Variants in IGHMBP2 observed in about 807,000 individuals in gnomAD.
IGHMBP2 encodes DNA-binding protein SMUBP-2.
A neutral mutation model predicts 96.0 loss-of-function variants in IGHMBP2; 81 were observed. That is an observed-to-expected ratio of 0.84 (90% CI 0.71 to 1.01). The LOEUF (loss-of-function observed/expected upper bound fraction) is 1.01. Ranked by LOEUF, IGHMBP2 falls within the 50% of genes least tolerant of loss-of-function variation. The probability of loss-of-function intolerance (pLI) is 0.00; values close to 1 mark genes in which losing one functional copy is unlikely to be tolerated. For missense variants in IGHMBP2, 1,227 were observed against 1,306.3 expected, an observed-to-expected ratio of 0.94 and a Z score of 0.94; for synonymous variants, 557 against 548.9, an observed-to-expected ratio of 1.01 and a Z score of -0.21.
At chr11:68,937,913 C>A in intron 13 of IGHMBP2, 1 of 498,746 alleles carries the variant, frequency 2.0e-6, no homozygotes, top group East Asian at 3.9e-5. Context: ...ACCCCTGCCC[C>A]CAGGCACTGA....
chr11:68,904,060 G>T, intron 1 of IGHMBP2, 22 bp downstream of exon 1: 2 of 1,536,970 alleles, frequency 1.3e-6, no homozygotes, highest in Non-Finnish European at 1.8e-6. Flanking sequence ...CGCCGGCGCC[G>T]CTCCCTCGCG....
chr11:68,930,996 G>T (rs1263427449), intron 8 of IGHMBP2, among the ~76,000 whole-genome samples: 2 of 152,170 alleles, frequency 1.3e-5, no homozygotes, highest in African/African-American at 4.8e-5. Context: ...TTGGTCCATG[G>T]GTGGCCATGG....
intron 1 of IGHMBP2, among the ~76,000 whole-genome samples, chr11:68,904,739 C>A (rs907636539): frequency 1.5e-4 from 23 of 151,614 alleles, no homozygotes; most frequent in Middle Eastern, 3.4e-3. Context: ...ACTTTCCATG[C>A]GTTAATTCTT....
At chr11:68,905,882 A>G (rs1307166369) in intron 1 of IGHMBP2, among the ~76,000 whole-genome samples, 187 bp from the exon 2 acceptor site, 1 of 152,212 alleles carries the variant, frequency 6.6e-6, no homozygotes, top group African/African-American at 2.4e-5. Flanking sequence ...GGGTTGTGGC[A>G]TTAACTGCCC....
intron 9 of IGHMBP2, 92 bp downstream of exon 9, chr11:68,933,573 T>G: frequency 6.8e-7 from 1 of 1,460,746 alleles, no homozygotes; most frequent in African/African-American, 1.4e-5. Context: ...AAAGTGAAGC[T>G]TTCTGCATGA....
At chr11:68,924,414 A>T (rs920419311) in intron 7 of IGHMBP2, among the ~76,000 whole-genome samples, 2 of 152,250 alleles carry the variant, frequency 1.3e-5, no homozygotes, top group African/African-American at 4.8e-5. Context: ...TCTACAGTTT[A>T]TCTGGGCGGA....
intron 1 of IGHMBP2, among the ~76,000 whole-genome samples, chr11:68,905,684 T>C: frequency 6.6e-6 from 1 of 152,072 alleles, no homozygotes; most frequent in Non-Finnish European, 1.5e-5. Context: ...AGGCCAGAGG[T>C]AAGGTAGTTG....
intron 10 of IGHMBP2, 40 bp downstream of exon 10, chr11:68,933,953 A>T: frequency 1.5e-6 from 2 of 1,317,356 alleles, no homozygotes; most frequent in Non-Finnish European, 2.2e-6. Context: ...TTGTTTAAAC[A>T]TACCTCCAGC....
chr11:68,933,594 T>C (rs1366549843), intron 9 of IGHMBP2, 113 bp downstream of exon 9: 1 of 1,346,060 alleles, frequency 7.4e-7, no homozygotes, highest in Non-Finnish European at 1.0e-6. Context: ...AAGTCGACTC[T>C]GAGGCTAGCT....
chr11:68,903,904 G>C lies in IGHMBP2; in HGVS notation c.-49G>C, dbSNP rs771526347. On this transcript the variant is annotated 5_prime_UTR_variant, in exon 1 of 15. Transcript: ENST00000255078. ...CACCGGTCCGCTGTAACACCGGCCC[G>C]GCGCAGAAGCGGGACGTCGGCTTCT... The C allele has an allele frequency of 6.2e-7, 1 of 1,606,518 alleles. No individual in the cohort carries two copies. Among genetic ancestry groups the C allele is most frequent in the Non-Finnish European group, 8.5e-7 (1 of 1,175,980 alleles).
intron 11 of IGHMBP2, among the ~76,000 whole-genome samples, 158 bp from the exon 12 acceptor site, chr11:68,935,141 A>T (rs1050590817): frequency 2.0e-5 from 3 of 152,186 alleles, no homozygotes; most frequent in Non-Finnish European, 4.4e-5. Context: ...GCCCGTGAGG[A>T]GGGCGAACGG....
At position 68,934,503 on chromosome 11, in the gene IGHMBP2, T is replaced by C. The variant is rs753198083; in HGVS notation, c.1577T>C (p.Val526Ala). 6.2e-7 allele frequency: 1 copy of C among 1,612,894 alleles called. No individual in the cohort carries two copies. The highest frequency in any genetic ancestry group is 1.1e-5 in the South Asian group (1 of 90,678). ...RLVSLHIQAL[V>A]DAGVPARDIA... ...GTCAGTTTGCACATCCAGGCTCTGG[T>C]GGACGCTGGTGTTCCAGCCCGTGAC... Residue 526 changes from valine to alanine, a missense_variant, in exon 11 of 15, where the codon GTG (valine) becomes GCG (alanine). Val to Ala is a moderately conservative substitution (Grantham distance 64). Transcript: ENST00000255078.
chr11:68,914,379 C>T (rs1858564745), intron 5 of IGHMBP2, among the ~76,000 whole-genome samples: 1 of 152,136 alleles, frequency 6.6e-6, no homozygotes, highest in Non-Finnish European at 1.5e-5. Flanking sequence ...GGAAGGGTTC[C>T]CTTGTCCCCC....
chr11:68,905,987 T>A, intron 1 of IGHMBP2, 82 bp from the exon 2 acceptor site: 1 of 1,367,950 alleles, frequency 7.3e-7, no homozygotes, highest in South Asian at 1.2e-5. Flanking sequence ...TTATCTATGT[T>A]TCTTTCTCTT....
Position 68,903,937 on chromosome 11 carries a change from C to T in IGHMBP2, c.-16C>T. ...AGCGGGACGTCGGCTTCTAGGGGCC[C>T]AGGCCGGCGGCGGCGATGGCCTCGG... On this transcript the variant is annotated 5_prime_UTR_variant, in exon 1 of 15. Transcript: ENST00000255078. 2 of 1,586,806 alleles carry T rather than the reference C, an allele frequency of 1.3e-6. No individual in the cohort carries two copies. The highest frequency in any genetic ancestry group is 1.7e-6 in the Non-Finnish European group (2 of 1,166,824).
chr11:68,935,217 G>T (rs1390199137), intron 11 of IGHMBP2, 82 bp from the exon 12 acceptor site: 36 of 1,558,430 alleles, frequency 2.3e-5, no homozygotes, highest in Non-Finnish European at 4.4e-6. Flanking sequence ...CACAGCGTGA[G>T]GCCCTCTGCT....
At chr11:68,925,939 G>C (rs190592598) in intron 7 of IGHMBP2, among the ~76,000 whole-genome samples, 1 of 142,580 alleles carries the variant, frequency 7.0e-6, no homozygotes, top group East Asian at 2.1e-4. Flanking sequence ...AAATTACATG[G>C]AGTTTGTGGA....
At position 68,933,408 on chromosome 11, in the gene IGHMBP2, A is replaced by G. The variant is rs1249728010; in HGVS notation, c.1345A>G (p.Met449Val). The G allele has an allele frequency of 4.1e-5, 66 of 1,613,216 alleles. No homozygotes were observed. Among genetic ancestry groups the G allele is most frequent in the Non-Finnish European group, 5.5e-5 (65 of 1,179,888 alleles). ...GCAGTACCGCATGCACCAGGCTATC[A>G]TGCGCTGGGCCTCAGACACCATGTA... Reference protein sequence around the residue: ...TVQYRMHQAIMRWASDTMYLG... With the variant: ...TVQYRMHQAIVRWASDTMYLG... The change falls in exon 9 of 15, where the codon ATG (methionine) becomes GTG (valine). Residue 449 changes from methionine (M) to valine (V), a missense_variant. Physicochemically the swap from Met to Val is conservative, Grantham distance 21. This residue lies in a region of IGHMBP2 where 703 missense variants were observed against 770.3 expected (regional missense o/e 0.91). Coordinates refer to ENST00000255078, the MANE Select transcript of IGHMBP2 (RefSeq NM_002180.3).
rs755607086 is a variant in IGHMBP2 at position 68,936,612 on chromosome 11, G to A, written c.2132G>A (p.Ser711Asn). ...GCCTCTGAAGCTCCATCTCAGCCCA[G>A]CCTCAACGGAGGCAGCCCAGAGGGA... Reference protein sequence around the residue: ...SLASEAPSQPSLNGGSPEGVE... With the variant: ...SLASEAPSQPNLNGGSPEGVE... The change falls in exon 13 of 15, where the codon AGC (serine) becomes AAC (asparagine). Residue 711 changes from serine (S) to asparagine (N), a missense_variant. Coordinates refer to ENST00000255078, the MANE Select transcript of IGHMBP2 (RefSeq NM_002180.3). 2.4e-5 allele frequency: 38 copies of A among 1,613,578 alleles called. No homozygotes were observed. The highest frequency in any genetic ancestry group is 2.7e-5 in the Non-Finnish European group (32 of 1,179,810).
Sources: gnomAD v4.1 joint callset for allele counts (sites outside exome capture counted in the v4.1 genomes callset) on GRCh38, gnomAD v4.1.1 for gene constraint, gnomAD v4.1.1 regional missense constraint, MANE v1.5 for transcripts, NCBI Gene and HGNC (gene_info 2026-07-23, HGNC 2026-07-21) for gene names.